LPP: variants seen among roughly 807,000 people sequenced by gnomAD.
The protein encoded by LPP is LIM domain containing preferred translocation partner in lipoma.
Under a neutral mutation model 60.4 loss-of-function variants are expected in LPP, and 38 were observed. The ratio of observed to expected loss-of-function variants is 0.63; its 90% CI spans 0.49 to 0.83. The LOEUF is 0.83. Ranked by LOEUF, LPP falls within the 40% of genes least tolerant of loss-of-function variation. The probability of loss-of-function intolerance (pLI) is 0.00; values close to 1 mark genes in which losing one functional copy is unlikely to be tolerated. For missense variants in LPP, 902 were observed against 783.6 expected (o/e 1.15, Z -1.80); for synonymous variants, 328 against 290.8 (o/e 1.13, Z -1.30).
In LPP at chr3:188,506,943, G is replaced by A. The variant is rs549489239; in HGVS notation, c.307-17722G>A. ...CTCCCAAGTAGCTGGGACTACAGGC[G>A]CCCACCACCACACCTGGCTAATTTT... On this transcript the variant is annotated intron_variant, in intron 5 of 11. Transcript: ENST00000617246. 6.6e-5 allele frequency among the ~76,000 whole-genome samples: 10 copies of A among 151,878 alleles called. No individual in the cohort carries two copies. In the East Asian group the frequency reaches 9.7e-4, roughly 15 times the overall value.
At chr3:188,392,735 T>C (rs1033122493) in intron 3 of LPP, among the ~76,000 whole-genome samples, 2 of 152,064 alleles carry the variant, frequency 1.3e-5, no homozygotes, top group Non-Finnish European at 2.9e-5. Flanking sequence ...CCTGGCCAGA[T>C]ACTGAGGTGC....
intron 7 of LPP, among the ~76,000 whole-genome samples, chr3:188,647,512 C>T (rs145350272): frequency 3.1e-4 from 47 of 152,282 alleles, no homozygotes; most frequent in Non-Finnish European, 5.1e-4. Context: ...ACAGCTGGTA[C>T]TAATGCCTTT....
At chr3:188,850,868 G>A (rs969914036) in intron 9 of LPP, among the ~76,000 whole-genome samples, 22 of 152,216 alleles carry the variant, frequency 1.4e-4, no homozygotes, top group Non-Finnish European at 2.9e-4. Flanking sequence ...GGGAGAGTGA[G>A]GTGACAGAAA....
intron 8 of LPP, among the ~76,000 whole-genome samples, chr3:188,718,189 A>C (rs1490596863): frequency 6.6e-6 from 1 of 152,208 alleles, no homozygotes; most frequent in Admixed American, 6.5e-5. Flanking sequence ...GTGATCTTAG[A>C]AATTATCTAG....
intron 9 of LPP, among the ~76,000 whole-genome samples, chr3:188,848,366 C>T (rs532802395): frequency 6.6e-6 from 1 of 152,146 alleles, no homozygotes; most frequent in African/African-American, 2.4e-5. Flanking sequence ...TGGAATGGGT[C>T]CCTCTCTGAT....
chr3:188,229,634 A>G (rs1190151076), intron 2 of LPP, among the ~76,000 whole-genome samples: 4 of 152,192 alleles, frequency 2.6e-5, no homozygotes, highest in South Asian at 2.1e-4. Context: ...CTGAAACTCT[A>G]TGGTTCTTCG....
chr3:188,800,444 A>T (rs1040419986), intron 9 of LPP, among the ~76,000 whole-genome samples: 2 of 151,770 alleles, frequency 1.3e-5, no homozygotes, highest in African/African-American at 2.4e-5. Context: ...GTGGGGTTTC[A>T]TCGTGTTAGC....
At chr3:188,288,231 C>T (rs1364866793) in intron 2 of LPP, among the ~76,000 whole-genome samples, 1 of 152,222 alleles carries the variant, frequency 6.6e-6, no homozygotes, top group African/African-American at 2.4e-5. Flanking sequence ...CGAAAGCAGG[C>T]TGTGATGGGA....
chr3:188,719,534 G>A (rs1464469204), intron 8 of LPP, among the ~76,000 whole-genome samples: 3 of 152,192 alleles, frequency 2.0e-5, no homozygotes, highest in Non-Finnish European at 4.4e-5. Flanking sequence ...CTTCATAATT[G>A]AATGTTCTTT....
At position 188,749,637 on chromosome 3, in the gene LPP, C is replaced by T. The variant is rs9942102; in HGVS notation, c.1241-10476C>T. On this transcript the variant is annotated intron_variant, in intron 8 of 11. Transcript: ENST00000617246. ...ACTGGGCTGAGTTGCAACTCTGCTA[C>T]CTACTTCTCAAGTCATGTACAAGGT... 6.7e-3 allele frequency among the ~76,000 whole-genome samples: 1,021 copies of T among 152,116 alleles called. 14 individuals carry two copies. The highest frequency in any genetic ancestry group is 0.023 in the African/African-American group (967 of 41,448).
At chr3:188,554,263 T>A (rs1217455688) in intron 6 of LPP, among the ~76,000 whole-genome samples, 1 of 152,146 alleles carries the variant, frequency 6.6e-6, no homozygotes, top group African/African-American at 2.4e-5. Flanking sequence ...AGGAAAAACC[T>A]TCTATCCCCT....
At chr3:188,704,663 GATGTT>G (rs1279858210) in intron 7 of LPP, among the ~76,000 whole-genome samples, 6 of 152,080 alleles carry the variant, frequency 3.9e-5, no homozygotes, top group African/African-American at 1.4e-4. Flanking sequence ...CTAATGCCTG[GATGTT>G]CCTAATTGAG....
chr3:188,189,851 G>A (rs944606233), intron 1 of LPP, among the ~76,000 whole-genome samples: 2 of 151,942 alleles, frequency 1.3e-5, no homozygotes, highest in Non-Finnish European at 1.5e-5. Flanking sequence ...TCGGAGGTGG[G>A]GAAGGGTTTA....
intron 2 of LPP, among the ~76,000 whole-genome samples, chr3:188,294,918 G>C (rs1455533419): frequency 1.3e-5 from 2 of 152,216 alleles, no homozygotes; most frequent in Non-Finnish European, 2.9e-5. Context: ...GACTGTAGCT[G>C]ATGGGTTTAG....
intron 7 of LPP, among the ~76,000 whole-genome samples, chr3:188,634,496 A>C (rs1848372389): frequency 6.6e-6 from 1 of 152,226 alleles, no homozygotes; most frequent in Non-Finnish European, 1.5e-5. Flanking sequence ...TGTTGGAACC[A>C]GGCTGCACAG....
At chr3:188,498,229 G>A (rs959880982) in intron 5 of LPP, among the ~76,000 whole-genome samples, 11 of 151,796 alleles carry the variant, frequency 7.2e-5, no homozygotes, top group African/African-American at 2.4e-4. Flanking sequence ...ACCGTTTAAT[G>A]TTCTGTTCAG....
intron 1 of LPP, among the ~76,000 whole-genome samples, chr3:188,213,961 A>ACAC (rs1712363670): frequency 7.7e-6 from 1 of 130,324 alleles, no homozygotes; most frequent in African/African-American, 2.8e-5. Flanking sequence ...TTAGATTTTA[A>ACAC]ACACACACAC....
At chr3:188,503,562 A>G (rs978375208) in intron 5 of LPP, among the ~76,000 whole-genome samples, 1 of 150,258 alleles carries the variant, frequency 6.7e-6, no homozygotes, top group Non-Finnish European at 1.5e-5. Flanking sequence ...CTGTAGTATC[A>G]TTTCTTCTCA....
intron 7 of LPP, among the ~76,000 whole-genome samples, chr3:188,637,435 A>G (rs1435148595): frequency 6.6e-6 from 1 of 151,832 alleles, no homozygotes; most frequent in African/African-American, 2.4e-5. Context: ...TTGACACCCT[A>G]ACATCACAAT....
Sources: allele counts gnomAD v4.1 joint callset (sites outside exome capture counted in the v4.1 genomes callset), GRCh38; gene constraint gnomAD v4.1.1; transcripts MANE v1.5; gene names NCBI Gene and HGNC (gene_info 2026-07-23, HGNC 2026-07-21).